Variants in EPB41L5 observed in about 807,000 individuals in gnomAD.
EPB41L5 encodes band 4.1-like protein 5.
Under a neutral mutation model 106.6 loss-of-function variants are expected in EPB41L5, and 55 were observed. The ratio of observed to expected loss-of-function variants is 0.52; its 90% CI spans 0.42 to 0.65. The LOEUF (loss-of-function observed/expected upper bound fraction) is 0.65, where lower values mean the gene tolerates loss of function less well. EPB41L5 is among the 30% of genes least tolerant of loss of function. The pLI, the probability that EPB41L5 is intolerant of heterozygous loss-of-function variation, is 0.00. For synonymous variants in EPB41L5, 297 were observed against 306.7 expected (o/e 0.97, Z 0.33); for missense variants, 871 against 882.1 (o/e 0.99, Z 0.16).
chr2:120,148,070 T>C (rs768675336), intron 20 of EPB41L5, among the ~76,000 whole-genome samples: 4 of 152,210 alleles, frequency 2.6e-5, no homozygotes, highest in Non-Finnish European at 5.9e-5. Flanking sequence ...TATAATATAC[T>C]GTATATAGTA....
At chr2:120,174,007 G>A (rs539170569) in intron 24 of EPB41L5, among the ~76,000 whole-genome samples, 1 of 152,326 alleles carries the variant, frequency 6.6e-6, no homozygotes, top group Admixed American at 6.5e-5. Context: ...AACCAAATCA[G>A]ATGTCGTTAC....
At chr2:120,052,571 T>C (rs1680359304) in intron 3 of EPB41L5, among the ~76,000 whole-genome samples, 1 of 152,248 alleles carries the variant, frequency 6.6e-6, no homozygotes, top group African/African-American at 2.4e-5. Context: ...CAATGGGTTA[T>C]ATCTGTTACT....
At chr2:120,135,313 A>T (rs1685875715) in intron 18 of EPB41L5, among the ~76,000 whole-genome samples, 1 of 152,178 alleles carries the variant, frequency 6.6e-6, no homozygotes, top group Non-Finnish European at 1.5e-5. Flanking sequence ...TAGCTTCAAA[A>T]GGACAAATCG....
At chr2:120,028,336 C>G (rs1184607457) in intron 2 of EPB41L5, among the ~76,000 whole-genome samples, 2 of 151,916 alleles carry the variant, frequency 1.3e-5, no homozygotes, top group Admixed American at 1.3e-4. Flanking sequence ...AGGAGTTTGA[C>G]TAGTCTGGGC....
At chr2:120,123,646 C>CTTT (rs869296989) in intron 16 of EPB41L5, among the ~76,000 whole-genome samples, 710 of 68,332 alleles carry the variant, frequency 0.01, 145 homozygotes, top group African/African-American at 0.03. Flanking sequence ...GTGTTCGTCC[C>CTTT]TTTTTTTTTT....
chr2:120,138,277 AG>A (rs1686015391), intron 18 of EPB41L5, among the ~76,000 whole-genome samples: 1 of 151,984 alleles, frequency 6.6e-6, no homozygotes, highest in Admixed American at 6.6e-5. Context: ...GCCTCCTTTA[AG>A]ATCTGGAAAA....
At chr2:120,153,961 G>A (rs979971173) in intron 20 of EPB41L5, among the ~76,000 whole-genome samples, 5 of 151,980 alleles carry the variant, frequency 3.3e-5, no homozygotes, top group East Asian at 1.9e-4. Flanking sequence ...CTCTACCATC[G>A]TAATTTTACT....
chr2:120,073,471 T>C (rs1335804050), intron 4 of EPB41L5, among the ~76,000 whole-genome samples: 2 of 152,240 alleles, frequency 1.3e-5, no homozygotes, highest in Non-Finnish European at 2.9e-5. Context: ...GGATTGACTT[T>C]CCCCGAAATG....
intron 18 of EPB41L5, among the ~76,000 whole-genome samples, chr2:120,134,748 C>T (rs575017533): frequency 1.3e-5 from 2 of 152,240 alleles, no homozygotes; most frequent in Non-Finnish European, 2.9e-5. Context: ...TGAGGTTCCC[C>T]CTAATGCAGA....
intron 24 of EPB41L5, among the ~76,000 whole-genome samples, chr2:120,171,765 T>C (rs1478666007): frequency 6.6e-6 from 1 of 152,144 alleles, no homozygotes; most frequent in Non-Finnish European, 1.5e-5. Context: ...TGCCCATATA[T>C]ACACAGGTCC....
intron 3 of EPB41L5, among the ~76,000 whole-genome samples, chr2:120,060,967 T>C (rs1482383639): frequency 1.3e-5 from 2 of 150,734 alleles, no homozygotes; most frequent in African/African-American, 4.9e-5. Context: ...AAAATATATA[T>C]CTGTGCTTGG....
chr2:120,098,494 T>G (rs984672413), intron 14 of EPB41L5, among the ~76,000 whole-genome samples: 5 of 152,220 alleles, frequency 3.3e-5, no homozygotes, highest in Non-Finnish European at 7.3e-5. Flanking sequence ...ATTACAGGCA[T>G]GAGCCACCAT....
At chr2:120,073,262 G>C in intron 4 of EPB41L5, 42 bp downstream of exon 4, 1 of 1,451,484 alleles carries the variant, frequency 6.9e-7, no homozygotes, top group Non-Finnish European at 9.5e-7. Context: ...AAAGGAAATA[G>C]AATATATTAG....
In EPB41L5 at chr2:120,027,525, G is replaced by T. The variant is rs138807039; in HGVS notation, c.180+8261G>T. On this transcript the variant is annotated intron_variant, in intron 2 of 24. Transcript: ENST00000263713. ...ATTGTGCTTGCTTAGGGCAGCCTGA[G>T]TGAGTGGGAACTGACAGGGTGGTAG... Among the ~76,000 whole-genome samples the T allele has an allele frequency of 2.5e-4, 38 of 152,352 alleles. No homozygotes were observed. In the East Asian group the frequency reaches 7.3e-3, roughly 29 times the overall value.
rs755200353 is a variant in EPB41L5 at position 120,100,262 on chromosome 2, G to A, written c.1197G>A (p.Ser399=). The change falls in exon 15 of 25, where the codon TCG becomes TCA. Residue 399 remains serine, a synonymous_variant. Coordinates refer to ENST00000263713, the MANE Select transcript of EPB41L5 (RefSeq NM_020909.4). ...ATTACAGTGTTCACAATAATGTTTC[G>A]ACCCAAAGTAATGGCTCCCAACAGG... ...PEELSVHNNV[S]TQSNGSQQAW... 2.0e-5 allele frequency: 33 copies of A among 1,612,122 alleles called. No individual in the cohort carries two copies. Among genetic ancestry groups the A allele is most frequent in the Middle Eastern group, 1.6e-4 (1 of 6,076 alleles).
At chr2:120,086,511 C>G (rs1388755416) in intron 10 of EPB41L5, among the ~76,000 whole-genome samples, 1 of 152,078 alleles carries the variant, frequency 6.6e-6, no homozygotes, top group Non-Finnish European at 1.5e-5. Context: ...GTCTGAATTC[C>G]AACACTTTGG....
chr2:120,084,894 A>G lies in EPB41L5; in HGVS notation c.804-2277A>G, dbSNP rs1309460655. On this transcript the variant is annotated intron_variant, in intron 10 of 24. Coordinates refer to ENST00000263713, the MANE Select transcript of EPB41L5 (RefSeq NM_020909.4). The stretch of plus-strand genomic sequence containing the variant: ...ATTCATTTGATCTTCAATCACTGAT[A>G]CCCTTTCTTCCAGTTGATCAAATCA... Among the ~76,000 whole-genome samples the G allele has an allele frequency of 2.0e-5, 3 of 152,194 alleles. No homozygotes were observed. The East Asian group carries it at 5.8e-4, about 29-fold the overall frequency.
At chr2:120,072,641 GA>G (rs1681951896) in intron 3 of EPB41L5, among the ~76,000 whole-genome samples, 1 of 152,200 alleles carries the variant, frequency 6.6e-6, no homozygotes. Context: ...GGACATAGAT[GA>G]AGCTGGAAAC....
intron 24 of EPB41L5, 48 bp downstream of exon 24, chr2:120,168,055 G>T: frequency 6.3e-7 from 1 of 1,591,178 alleles, no homozygotes; most frequent in Non-Finnish European, 8.6e-7. Context: ...CTGTTAGGAA[G>T]AAAAAAATAA....
Sources: gnomAD v4.1 joint callset for allele counts (sites outside exome capture counted in the v4.1 genomes callset) on GRCh38, gnomAD v4.1.1 for gene constraint, MANE v1.5 for transcripts, NCBI Gene and HGNC (gene_info 2026-07-23, HGNC 2026-07-21) for gene names.